STPG2: variants seen among roughly 807,000 people sequenced by gnomAD.
The protein encoded by STPG2 is sperm tail PG-rich repeat containing 2, also known as sperm-tail PG-rich repeat-containing protein 2.
A neutral mutation model predicts 54.2 loss-of-function variants in STPG2; 56 were observed. That is an observed-to-expected ratio of 1.03 (90% CI 0.83 to 1.29). The LOEUF is 1.29. Ranked by LOEUF, STPG2 falls within the 50% of genes most tolerant of loss-of-function variation. The probability of loss-of-function intolerance (pLI) is 0.00; values close to 1 mark genes in which losing one functional copy is unlikely to be tolerated. For missense variants in STPG2, 596 were observed against 544.9 expected (o/e 1.09, Z -0.93); for synonymous variants, 200 against 181.8 (o/e 1.10, Z -0.81).
intron 8 of STPG2, among the ~76,000 whole-genome samples, chr4:97,853,967 G>A (rs1729250110): frequency 1.3e-5 from 2 of 151,992 alleles, no homozygotes; most frequent in African/African-American, 4.8e-5. Flanking sequence ...TTTTTGTGGG[G>A]AGTTTTGTGT....
At chr4:97,948,089 T>A (rs934963573) in intron 7 of STPG2, among the ~76,000 whole-genome samples, 5 of 152,116 alleles carry the variant, frequency 3.3e-5, no homozygotes, top group African/African-American at 1.2e-4. Flanking sequence ...TGCTGCTTGT[T>A]ATTGGTCTGG....
At chr4:97,530,906 T>C (rs770247004) in intron 4 of STPG2, among the ~76,000 whole-genome samples, 1 of 152,160 alleles carries the variant, frequency 6.6e-6, no homozygotes, top group Non-Finnish European at 1.5e-5. Context: ...CCAGTGCTCA[T>C]ACATGGAGGA....
chr4:97,614,654 A>C (rs570099475), intron 10 of STPG2, among the ~76,000 whole-genome samples: 1 of 152,058 alleles, frequency 6.6e-6, no homozygotes, highest in Non-Finnish European at 1.5e-5. Flanking sequence ...CATAGTCATC[A>C]CTTTGTGCTT....
At position 97,984,949 on chromosome 4, in the gene STPG2, T is replaced by C. The variant is rs185251954; in HGVS notation, c.613-3631A>G. Among the ~76,000 whole-genome samples, 640 of 152,346 alleles carry C rather than the reference T, an allele frequency of 4.2e-3. 3 individuals carry two copies. The highest frequency in any genetic ancestry group is 0.024 in the South Asian group (116 of 4,830). On this transcript the variant is annotated intron_variant, in intron 5 of 10. Coordinates refer to ENST00000295268, the MANE Select transcript of STPG2 (RefSeq NM_174952.3). Reference sequence around the variant, plus strand: ...CACTTTACCTCCTCACCATCCCTTGTAGATAACTAACATCATTGTTTTCTG... The same window carrying C: ...CACTTTACCTCCTCACCATCCCTTGCAGATAACTAACATCATTGTTTTCTG...
intron 10 of STPG2, among the ~76,000 whole-genome samples, chr4:97,701,791 T>C (rs1253050519): frequency 6.6e-6 from 1 of 152,216 alleles, no homozygotes; most frequent in African/African-American, 2.4e-5. Flanking sequence ...AGTCAGACTA[T>C]TCTGACTGCT....
intron 3 of STPG2, among the ~76,000 whole-genome samples, chr4:98,113,460 T>C (rs901856746): frequency 2.0e-5 from 3 of 152,110 alleles, no homozygotes; most frequent in African/African-American, 7.2e-5. Flanking sequence ...AAATGTGTTA[T>C]ATAAATAAAA....
At chr4:97,679,261 A>G (rs1229193195) in intron 10 of STPG2, among the ~76,000 whole-genome samples, 3 of 152,110 alleles carry the variant, frequency 2.0e-5, no homozygotes, top group Non-Finnish European at 4.4e-5. Context: ...AAGTATTCCT[A>G]TTTCTCCACA....
chr4:98,011,459 C>G (rs969036560), intron 5 of STPG2, among the ~76,000 whole-genome samples: 1 of 152,026 alleles, frequency 6.6e-6, no homozygotes, highest in Non-Finnish European at 1.5e-5. Flanking sequence ...GATTTATATG[C>G]CTTTCGATAT....
At chr4:97,510,847 A>T (rs1730956857) in intron 4 of STPG2, among the ~76,000 whole-genome samples, 1 of 152,126 alleles carries the variant, frequency 6.6e-6, no homozygotes, top group Non-Finnish European at 1.5e-5. Flanking sequence ...TCACGCCGGT[A>T]ATCCCAGTTA....
chr4:97,866,370 C>T (rs1388810897), intron 8 of STPG2, among the ~76,000 whole-genome samples: 1 of 151,948 alleles, frequency 6.6e-6, no homozygotes, highest in Non-Finnish European at 1.5e-5. Flanking sequence ...CCCATAAATA[C>T]ACACACATAC....
chr4:97,578,876 A>G (rs1439903414), intron 10 of STPG2, among the ~76,000 whole-genome samples: 1 of 152,178 alleles, frequency 6.6e-6, no homozygotes, highest in African/African-American at 2.4e-5. Flanking sequence ...GCTATGGCAT[A>G]GTCAGGCCTC....
intron 8 of STPG2, among the ~76,000 whole-genome samples, chr4:97,852,674 T>C (rs989512511): frequency 6.6e-6 from 1 of 152,126 alleles, no homozygotes; most frequent in East Asian, 1.9e-4. Context: ...TGTAGTTATA[T>C]TGAGACTGAG....
At chr4:98,007,842 A>G (rs1735621572) in intron 5 of STPG2, among the ~76,000 whole-genome samples, 1 of 152,018 alleles carries the variant, frequency 6.6e-6, no homozygotes, top group Non-Finnish European at 1.5e-5. Context: ...AACTTCCATA[A>G]TAGGCTAAAT....
intron 4 of STPG2, among the ~76,000 whole-genome samples, chr4:97,465,262 G>A (rs1033120719): frequency 6.6e-6 from 1 of 152,024 alleles, no homozygotes; most frequent in East Asian, 1.9e-4. Context: ...CTCTGTATTT[G>A]TCTCTATCCA....
chr4:97,989,442 T>C (rs529305444), intron 5 of STPG2, among the ~76,000 whole-genome samples: 38 of 152,244 alleles, frequency 2.5e-4, no homozygotes, highest in African/African-American at 9.1e-4. Context: ...CACTATGTTT[T>C]TTTCTATACA....
intron 1 of STPG2, among the ~76,000 whole-genome samples, chr4:98,135,391 G>C (rs1740109242): frequency 6.6e-6 from 1 of 151,732 alleles, no homozygotes; most frequent in Admixed American, 6.6e-5. Context: ...ATTTATTTGT[G>C]TTAGGTATTG....
intron 6 of STPG2, among the ~76,000 whole-genome samples, chr4:97,978,093 T>C (rs1734553344): frequency 6.6e-6 from 1 of 152,118 alleles, no homozygotes; most frequent in Non-Finnish European, 1.5e-5. Flanking sequence ...AAGGTATAGA[T>C]AGATAGAAGG....
At chr4:97,794,652 G>C (rs984812440) in intron 9 of STPG2, among the ~76,000 whole-genome samples, 2 of 152,046 alleles carry the variant, frequency 1.3e-5, no homozygotes, top group African/African-American at 4.8e-5. Context: ...GCATTGTCTA[G>C]CTGCACTTTA....
intron 8 of STPG2, among the ~76,000 whole-genome samples, chr4:97,846,000 C>A (rs1728938338): frequency 6.6e-6 from 1 of 152,284 alleles, no homozygotes; most frequent in South Asian, 2.1e-4. Context: ...TGAGAGAAGG[C>A]AGCCTGAACT....
Sources: gnomAD v4.1 joint callset for allele counts (sites outside exome capture counted in the v4.1 genomes callset) on GRCh38, gnomAD v4.1.1 for gene constraint, MANE v1.5 for transcripts, NCBI Gene and HGNC (gene_info 2026-07-23, HGNC 2026-07-21) for gene names.